NEK6: variants seen among roughly 807,000 people sequenced by gnomAD.
NEK6 encodes the protein NIMA related kinase 6, also known as serine/threonine-protein kinase Nek6.
NEK6 carries 27 observed loss-of-function variants against 43.5 expected under a neutral mutation model. The ratio of observed to expected loss-of-function variants is 0.62; its 90% CI spans 0.46 to 0.86. The LOEUF (loss-of-function observed/expected upper bound fraction) is 0.86, where lower values mean the gene tolerates loss of function less well. Among genes scored for constraint, NEK6 ranks in the 40% least tolerant of loss-of-function variants. NEK6 has a pLI of 0.00. For synonymous variants in NEK6, 167 were observed against 164.1 expected (o/e 1.02, Z -0.14); for missense variants, 318 against 414.4 (o/e 0.77, Z 2.02).
At chr9:124,301,219 G>A (rs966099985) in intron 1 of NEK6, among the ~76,000 whole-genome samples, 1 of 152,186 alleles carries the variant, frequency 6.6e-6, no homozygotes. Context: ...TGGGGGAGAT[G>A]CCCAGATGGC....
At chr9:124,283,538 A>C (rs557859879) in intron 1 of NEK6, among the ~76,000 whole-genome samples, 2 of 152,288 alleles carry the variant, frequency 1.3e-5, no homozygotes, top group South Asian at 4.1e-4. Flanking sequence ...GGTCATGTGC[A>C]GGGAGCCCTG....
At chr9:124,257,749 T>A, upstream of NEK6, 2 of 1,518,684 alleles carry the variant, frequency 1.3e-6, no homozygotes, top group Non-Finnish European at 1.8e-6. Context: ...TCTTCCCATC[T>A]CTGAAATGGG....
intron 1 of NEK6, chr9:124,286,584 G>C (rs778430456): frequency 1.3e-5 from 2 of 152,286 alleles, no homozygotes; most frequent in Non-Finnish European, 2.9e-5. Context: ...CCACCTCCTC[G>C]TGTCAAAGGT....
At chr9:124,306,061 T>TA (rs1432553964) in intron 2 of NEK6, among the ~76,000 whole-genome samples, 1 of 151,370 alleles carries the variant, frequency 6.6e-6, no homozygotes, top group Non-Finnish European at 1.5e-5. Flanking sequence ...AAGGTGAAAA[T>TA]AGGGAGGTGA....
At chr9:124,273,351 C>T (rs777976921) in intron 1 of NEK6, among the ~76,000 whole-genome samples, 20 of 152,174 alleles carry the variant, frequency 1.3e-4, no homozygotes, top group African/African-American at 4.8e-4. Context: ...GGCTTGATCC[C>T]GAATGGGGGA....
chr9:124,278,459 TGGA>T (rs1831740740), intron 1 of NEK6, among the ~76,000 whole-genome samples: 1 of 152,070 alleles, frequency 6.6e-6, no homozygotes, highest in Non-Finnish European at 1.5e-5. Context: ...TCGTTTTCCG[TGGA>T]GGAGAAGTTG....
chr9:124,310,136 A>G (rs1269679874), intron 2 of NEK6, among the ~76,000 whole-genome samples: 2 of 152,238 alleles, frequency 1.3e-5, no homozygotes, highest in Non-Finnish European at 2.9e-5. Context: ...CACAGTCCCC[A>G]GTCCTGGGGT....
intron 9 of NEK6, 77 bp downstream of exon 9, chr9:124,347,899 C>T (rs1313257354): frequency 2.4e-6 from 2 of 826,966 alleles, no homozygotes; most frequent in South Asian, 3.1e-5. Context: ...CAAAACACCA[C>T]AGCTGTGGGG....
chr9:124,310,971 G>A (rs910218300), intron 2 of NEK6, among the ~76,000 whole-genome samples: 1 of 152,224 alleles, frequency 6.6e-6, no homozygotes, highest in Non-Finnish European at 1.5e-5. Context: ...GGGTCCCAGA[G>A]TAGGGATCAC....
rs954971092 is a variant in NEK6 at position 124,350,909 on chromosome 9, G to C, written c.904G>C (p.Val302Leu). ...ACCTGACATCGGATACGTGCACCAG[G>C]TGGCCAAGCAGATGCACATCTGGAT... Reference protein sequence around the residue: ...QRPDIGYVHQVAKQMHIWMSS... With the variant: ...QRPDIGYVHQLAKQMHIWMSS... The change falls in exon 10 of 10, where the codon GTG becomes CTG. Residue 302 changes from valine to leucine, a missense_variant. Transcript: ENST00000320246. 9 of 1,611,272 alleles carry C rather than the reference G, an allele frequency of 5.6e-6. No homozygotes were observed. In the African/African-American group the frequency reaches 1.2e-4, roughly 22 times the overall value.
chr9:124,284,116 A>G (rs191488438), intron 1 of NEK6, among the ~76,000 whole-genome samples: 178 of 152,362 alleles, frequency 1.2e-3, no homozygotes, highest in Non-Finnish European at 1.4e-3. Flanking sequence ...TGGGAGGCTG[A>G]GGCGGGAGGA....
rs1321496505 is a variant in NEK6 at position 124,320,985 on chromosome 9, A to G, written c.295-474A>G. On this transcript the variant is annotated intron_variant, in intron 4 of 9. Transcript: ENST00000320246. ...AGAGATAGGTCAGGAATTGAGAAAGAGTGGGAAGGATGAAGGCAGGAGATG... is the reference window on the plus strand; with the variant it reads ...AGAGATAGGTCAGGAATTGAGAAAGGGTGGGAAGGATGAAGGCAGGAGATG... 3.3e-5 allele frequency among the ~76,000 whole-genome samples: 5 copies of G among 152,230 alleles called. 1 individual carries two copies. Among genetic ancestry groups the G allele is most frequent in the Non-Finnish European group, 5.9e-5 (4 of 68,042 alleles).
chr9:124,290,216 G>T (rs1832352424), intron 1 of NEK6, among the ~76,000 whole-genome samples: 1 of 152,240 alleles, frequency 6.6e-6, no homozygotes, highest in Non-Finnish European at 1.5e-5. Flanking sequence ...CCCTGGCCTG[G>T]CCTATCTGGA....
At chr9:124,270,006 C>G (rs999101455) in intron 1 of NEK6, among the ~76,000 whole-genome samples, 1 of 152,082 alleles carries the variant, frequency 6.6e-6, no homozygotes, top group Non-Finnish European at 1.5e-5. Context: ...TAGAGCCAAC[C>G]GCAGCATCCC....
chr9:124,317,333 A>G lies in NEK6; in HGVS notation c.294+3348A>G, dbSNP rs529190297. 6.6e-5 allele frequency among the ~76,000 whole-genome samples: 10 copies of G among 151,870 alleles called. No homozygotes were observed. In the South Asian group the frequency reaches 2.1e-3, roughly 32 times the overall value. ...CGTGGTGCGATCTCGGCTCACTACA[A>G]CCTCCGAGTAGCTGGAATAACAGGT... On this transcript the variant is annotated intron_variant, in intron 4 of 9. Transcript: ENST00000320246.
intron 2 of NEK6, among the ~76,000 whole-genome samples, chr9:124,308,776 G>A (rs1462701820): frequency 1.3e-5 from 2 of 151,790 alleles, no homozygotes; most frequent in Admixed American, 1.3e-4. Flanking sequence ...CCCCACGCCC[G>A]TCTTGCAGTT....
At chr9:124,294,814 G>A (rs1832603087) in intron 1 of NEK6, among the ~76,000 whole-genome samples, 1 of 152,198 alleles carries the variant, frequency 6.6e-6, no homozygotes, top group Non-Finnish European at 1.5e-5. Context: ...TTGTGTGTTA[G>A]GAAAACCTTT....
chr9:124,340,276 G>GC (rs1050139743), intron 8 of NEK6, among the ~76,000 whole-genome samples: 5 of 152,178 alleles, frequency 3.3e-5, no homozygotes, highest in African/African-American at 9.7e-5. Flanking sequence ...ATAAATGGAA[G>GC]CCCCCCACCC....
rs537846628 is a variant in NEK6 at position 124,351,238 on chromosome 9, G to C, written c.*291G>C. On this transcript the variant is annotated 3_prime_UTR_variant, in exon 10 of 10. Transcript: ENST00000320246. ...GTTCAGCGAGCCACGGCAGCCCCCT[G>C]TATCTGGATTGTAATGTGAATCTTT... The C allele has an allele frequency of 6.8e-5, 22 of 325,280 alleles. No individual in the cohort carries two copies. In the South Asian group the frequency reaches 6.9e-4, roughly 10 times the overall value. 20.1% of individuals were successfully genotyped at this position (325,280 alleles called of 1,614,324 possible).
Sources: allele counts gnomAD v4.1 joint callset (sites outside exome capture counted in the v4.1 genomes callset), GRCh38; gene constraint gnomAD v4.1.1; transcripts MANE v1.5; gene names NCBI Gene and HGNC (gene_info 2026-07-23, HGNC 2026-07-21).